The following CAB39 variants were observed in gnomAD, a reference collection of about 807,000 sequenced individuals.
CAB39 encodes calcium-binding protein 39.
A neutral mutation model predicts 40.0 loss-of-function variants in CAB39; 8 were observed. The ratio of observed to expected loss-of-function variants is 0.20; its 90% CI spans 0.12 to 0.36. The LOEUF (loss-of-function observed/expected upper bound fraction) is 0.36, where lower values mean the gene tolerates loss of function less well. Among genes scored for constraint, CAB39 ranks in the 10% least tolerant of loss-of-function variants. The probability of loss-of-function intolerance (pLI) is 1.00; values close to 1 mark genes in which losing one functional copy is unlikely to be tolerated. For missense variants in CAB39, 270 were observed against 401.1 expected (o/e 0.67, Z 2.79); for synonymous variants, 156 against 141.6 (o/e 1.10, Z -0.72).
intron 2 of CAB39, among the ~76,000 whole-genome samples, chr2:230,782,366 A>AG (rs35327974): frequency 1.2e-4 from 19 of 152,088 alleles, no homozygotes; most frequent in African/African-American, 4.3e-4. Context: ...AAAATGTGGG[A>AG]GGGGGGATGT....
At chr2:230,804,029 T>A (rs1478303681) in intron 5 of CAB39, among the ~76,000 whole-genome samples, 1 of 152,140 alleles carries the variant, frequency 6.6e-6, no homozygotes, top group African/African-American at 2.4e-5. Context: ...CAAAACAGCA[T>A]GGCACTGGTA....
intron 1 of CAB39, among the ~76,000 whole-genome samples, chr2:230,720,559 C>T (rs917641102): frequency 6.6e-6 from 1 of 152,110 alleles, no homozygotes; most frequent in Admixed American, 6.5e-5. Flanking sequence ...CCTCAGCTTC[C>T]CGAGTAGCTG....
At chr2:230,715,466 A>G (rs1046833354) in intron 1 of CAB39, among the ~76,000 whole-genome samples, 2 of 152,162 alleles carry the variant, frequency 1.3e-5, no homozygotes, top group African/African-American at 4.8e-5. Flanking sequence ...TGGACTTTTA[A>G]AGGGATGTTG....
chr2:230,778,311 A>C (rs948443542), intron 2 of CAB39, among the ~76,000 whole-genome samples: 2 of 152,170 alleles, frequency 1.3e-5, no homozygotes, highest in South Asian at 2.1e-4. Flanking sequence ...GTTTGGATCT[A>C]CTGAGTGCTT....
chr2:230,814,502 G>A (rs1319553250), intron 7 of CAB39, among the ~76,000 whole-genome samples: 2 of 152,174 alleles, frequency 1.3e-5, no homozygotes, highest in East Asian at 3.9e-4. Flanking sequence ...GTGTGAGGCT[G>A]TGGACCGTAG....
intron 5 of CAB39, among the ~76,000 whole-genome samples, chr2:230,808,143 G>C (rs1696236520): frequency 6.6e-6 from 1 of 151,224 alleles, no homozygotes; most frequent in South Asian, 2.1e-4. Flanking sequence ...CTGGAGTGCA[G>C]TGGTGCGATT....
chr2:230,741,338 A>G (rs1309193837), intron 1 of CAB39, among the ~76,000 whole-genome samples: 1 of 152,130 alleles, frequency 6.6e-6, no homozygotes, highest in East Asian at 1.9e-4. Flanking sequence ...TTTTATCCCA[A>G]TCCTGGATGC....
intron 2 of CAB39, among the ~76,000 whole-genome samples, chr2:230,788,339 T>C (rs1695831333): frequency 6.6e-6 from 1 of 152,022 alleles, no homozygotes; most frequent in African/African-American, 2.4e-5. Flanking sequence ...ACTTCAGTTA[T>C]TATAAGAACC....
chr2:230,767,061 A>G (rs1695399103), intron 2 of CAB39, among the ~76,000 whole-genome samples: 1 of 152,230 alleles, frequency 6.6e-6, no homozygotes, highest in Admixed American at 6.5e-5. Context: ...TATTAGAAGT[A>G]AATATGGAAT....
chr2:230,776,880 G>T (rs948129888), intron 2 of CAB39, among the ~76,000 whole-genome samples: 1 of 152,064 alleles, frequency 6.6e-6, no homozygotes, highest in African/African-American at 2.4e-5. Flanking sequence ...GTTGAGACGG[G>T]GTTTCACCGT....
intron 1 of CAB39, among the ~76,000 whole-genome samples, chr2:230,724,751 CTTTT>C (rs576437702): frequency 1.8e-5 from 2 of 111,786 alleles, no homozygotes; most frequent in Non-Finnish European, 3.6e-5. Context: ...CTCGTTTAAT[CTTTT>C]TTTTTTTTTT....
At chr2:230,795,701 A>G (rs1188444586) in intron 4 of CAB39, among the ~76,000 whole-genome samples, 1 of 152,206 alleles carries the variant, frequency 6.6e-6, no homozygotes, top group Non-Finnish European at 1.5e-5. Flanking sequence ...TCCATTGAGA[A>G]TCATTGCCTA....
intron 1 of CAB39, among the ~76,000 whole-genome samples, chr2:230,733,061 C>T (rs1250883308): frequency 6.6e-6 from 1 of 152,082 alleles, no homozygotes; most frequent in African/African-American, 2.4e-5. Context: ...AGAGGGTGCT[C>T]TGTCTTTGCT....
intron 1 of CAB39, among the ~76,000 whole-genome samples, chr2:230,735,016 C>T (rs1694761370): frequency 6.6e-6 from 1 of 152,176 alleles, no homozygotes; most frequent in Non-Finnish European, 1.5e-5. Context: ...TTTGGCTTAT[C>T]TCATCGGCTT....
intron 2 of CAB39, among the ~76,000 whole-genome samples, chr2:230,781,069 G>A (rs1327952598): frequency 6.7e-6 from 1 of 149,136 alleles, no homozygotes; most frequent in African/African-American, 2.6e-5. Flanking sequence ...CAACAGAGCT[G>A]GACCTGATCT....
chr2:230,737,462 G>A (rs762189673), intron 1 of CAB39, among the ~76,000 whole-genome samples: 6 of 152,144 alleles, frequency 3.9e-5, no homozygotes, highest in Non-Finnish European at 5.9e-5. Context: ...TGAGAGATTG[G>A]CCGTATGGTT....
intron 1 of CAB39, among the ~76,000 whole-genome samples, chr2:230,757,806 C>CT (rs947024230): frequency 6.6e-6 from 1 of 152,050 alleles, no homozygotes; most frequent in Non-Finnish European, 1.5e-5. Flanking sequence ...AACTTGCATG[C>CT]TTCCCCCCCA....
chr2:230,801,504 T>C (rs1446467549), intron 5 of CAB39, among the ~76,000 whole-genome samples: 2 of 152,162 alleles, frequency 1.3e-5, no homozygotes, highest in Non-Finnish European at 2.9e-5. Flanking sequence ...GAAAACGTGC[T>C]CTGCACACAA....
At chr2:230,815,060 T>C (rs954214356) in intron 7 of CAB39, among the ~76,000 whole-genome samples, 1 of 152,256 alleles carries the variant, frequency 6.6e-6, no homozygotes, top group African/African-American at 2.4e-5. Context: ...CTTGAAGACC[T>C]TATCTTTCTG....
Sources: allele counts gnomAD v4.1 joint callset (sites outside exome capture counted in the v4.1 genomes callset), GRCh38; gene constraint gnomAD v4.1.1; transcripts MANE v1.5; gene names NCBI Gene and HGNC (gene_info 2026-07-23, HGNC 2026-07-21).